The following VPS39 variants were observed in gnomAD, a reference collection of about 807,000 sequenced individuals.
VPS39 encodes the protein vam6/Vps39-like protein.
In VPS39, 70 loss-of-function variants were observed where a neutral mutation model predicts 121.0. That is an observed-to-expected ratio of 0.58 (90% CI 0.48 to 0.71). The LOEUF (loss-of-function observed/expected upper bound fraction) is 0.71, where lower values mean the gene tolerates loss of function less well. Among genes scored for constraint, VPS39 ranks in the 30% least tolerant of loss-of-function variants. VPS39 has a pLI of 0.00. For synonymous variants in VPS39, 378 were observed against 398.1 expected, an observed-to-expected ratio of 0.95 and a Z score of 0.60; for missense variants, 818 against 1,051.5, an observed-to-expected ratio of 0.78 and a Z score of 3.07.
intron 17 of VPS39, 173 bp from the exon 18 acceptor site, chr15:42,165,286 G>A (rs112516408): frequency 2.3e-4 from 146 of 626,572 alleles, no homozygotes; most frequent in East Asian, 1.8e-3. Context: ...TTCACAATGC[G>A]ACCCAGTAAC....
chr15:42,167,316 G>T (rs961159250), intron 13 of VPS39, 78 bp downstream of exon 13: 21 of 1,542,492 alleles, frequency 1.4e-5, no homozygotes, highest in Non-Finnish European at 1.8e-5. Flanking sequence ...GGTCCCTCAG[G>T]GTCTAGCACT....
At chr15:42,182,718 G>T (rs2056512271) in intron 8 of VPS39, among the ~76,000 whole-genome samples, 1 of 152,194 alleles carries the variant, frequency 6.6e-6, no homozygotes. Flanking sequence ...GACTAATCCT[G>T]CCTGTGGGTC....
At chr15:42,185,416 CTCGTGA>C (rs946305524) in intron 7 of VPS39, among the ~76,000 whole-genome samples, 11 of 152,136 alleles carry the variant, frequency 7.2e-5, no homozygotes, top group African/African-American at 2.4e-4. Context: ...ATCTCCTGAC[CTCGTGA>C]TCCACCCGCC....
intron 23 of VPS39, 28 bp downstream of exon 23, chr15:42,162,003 AC>A: frequency 1.2e-6 from 2 of 1,613,496 alleles, no homozygotes; most frequent in Non-Finnish European, 8.5e-7. Flanking sequence ...TTAAAAGCCC[AC>A]CCTAGAGTTT....
In VPS39 at chr15:42,160,636, G is replaced by C. The variant is rs549749218; in HGVS notation, c.*118C>G. On this transcript the variant is annotated 3_prime_UTR_variant, in exon 25 of 25. Coordinates refer to ENST00000318006, the MANE Select transcript of VPS39 (RefSeq NM_015289.5). Reference sequence around the variant, plus strand: ...GTTGTTCCAGGGCACAAGATAGCCAGTAATGTCCAAATGGGGAGCCTTGTG... The same window carrying C: ...GTTGTTCCAGGGCACAAGATAGCCACTAATGTCCAAATGGGGAGCCTTGTG... 2.3e-6 allele frequency: 2 copies of C among 879,406 alleles called. No homozygotes were observed. Among genetic ancestry groups the C allele is most frequent in the Non-Finnish European group, 1.9e-6 (1 of 521,292 alleles). The allele number at this position is 879,406 out of a possible 1,614,324, so 54.5% of individuals were successfully genotyped here.
intron 13 of VPS39, among the ~76,000 whole-genome samples, 185 bp downstream of exon 13, chr15:42,167,209 A>G (rs1035202732): frequency 6.6e-6 from 1 of 152,248 alleles, no homozygotes; most frequent in African/African-American, 2.4e-5. Flanking sequence ...TTGTGCATTG[A>G]TATCTTGCCC....
In VPS39 at chr15:42,161,741, C is replaced by T. The variant is rs1417938575; in HGVS notation, c.2493G>A (p.Val831=). Residue 831 remains valine (V), a synonymous_variant, in exon 24 of 25, where the codon GTG becomes GTA. Coordinates refer to ENST00000318006, the MANE Select transcript of VPS39 (RefSeq NM_015289.5). Reference sequence around the variant, plus strand: ...CCTTCTCCTCTGTGATGATGCACTTCACCTGCTGGTGTAAAATCCGCTCTT... The same window carrying T: ...CCTTCTCCTCTGTGATGATGCACTTTACCTGCTGGTGTAAAATCCGCTCTT... ...VQEERILHQQ[V]KCIITEEKVC... 1 of 1,614,178 alleles carries T rather than the reference C, an allele frequency of 6.2e-7. No homozygotes were observed. Among genetic ancestry groups the T allele is most frequent in the Non-Finnish European group, 8.5e-7 (1 of 1,180,036 alleles).
chr15:42,208,020 A>G, intron 1 of VPS39, 61 bp downstream of exon 1: 1 of 1,535,938 alleles, frequency 6.5e-7, no homozygotes, highest in Non-Finnish European at 8.8e-7. Flanking sequence ...CCCCGGCCTC[A>G]GAAAAGATCC....
chr15:42,167,033 G>T, intron 13 of VPS39, 120 bp from the exon 14 acceptor site: 1 of 1,424,268 alleles, frequency 7.0e-7, no homozygotes, highest in Non-Finnish European at 9.5e-7. Flanking sequence ...AAAGCAGACA[G>T]CCCTCTTTCA....
intron 18 of VPS39, 122 bp from the exon 19 acceptor site, chr15:42,164,608 G>T (rs2049205670): frequency 6.8e-7 from 1 of 1,463,204 alleles, no homozygotes; most frequent in African/African-American, 1.4e-5. Context: ...GGCCTCCAGG[G>T]TGGCTTCCAT....
chr15:42,179,445 C>T (rs907940713), intron 8 of VPS39, among the ~76,000 whole-genome samples: 2 of 150,648 alleles, frequency 1.3e-5, no homozygotes, highest in Non-Finnish European at 3.0e-5. Context: ...GGCGTGGTGG[C>T]AGGCGCCTGT....
At position 42,166,361 on chromosome 15, in the gene VPS39, T is replaced by C. The variant is rs944093319; in HGVS notation, c.1607-129A>G. 9 of 1,151,598 alleles carry C rather than the reference T, an allele frequency of 7.8e-6. No individual in the cohort carries two copies. In the Admixed American group the frequency reaches 1.6e-4, roughly 21 times the overall value. The allele number at this position is 1,151,598 out of a possible 1,614,324, so 71.3% of individuals were successfully genotyped here. On this transcript the variant is annotated intron_variant, in intron 15 of 24. Transcript: ENST00000318006. Reference sequence around the variant, plus strand: ...CAGCTCAAGCATGAGCCACTTGGGGTTGTTAGCCCTACTGGGCTGGCTCCA... The same window carrying C: ...CAGCTCAAGCATGAGCCACTTGGGGCTGTTAGCCCTACTGGGCTGGCTCCA...
Position 42,174,660 on chromosome 15 carries a change from G to C in VPS39, c.961-808C>G, listed in dbSNP as rs1388858059. The stretch of plus-strand genomic sequence containing the variant: ...CCGGGGTCCAGGATGGATTCCAAGA[G>C]GGACCTAAACTGAGACATAACGGAT... On this transcript the variant is annotated intron_variant, in intron 10 of 24. Coordinates refer to ENST00000318006, the MANE Select transcript of VPS39 (RefSeq NM_015289.5). Among the ~76,000 whole-genome samples the C allele has an allele frequency of 2.6e-5, 4 of 152,116 alleles. 1 individual carries two copies. The South Asian group carries it at 8.3e-4, about 32-fold the overall frequency.
chr15:42,197,857 A>C (rs2049976935), intron 2 of VPS39, among the ~76,000 whole-genome samples: 1 of 152,212 alleles, frequency 6.6e-6, no homozygotes, highest in African/African-American at 2.4e-5. Context: ...AATTAACCCT[A>C]GAACTAATTC....
At position 42,161,853 on chromosome 15, in the gene VPS39, C is replaced by G. The variant is rs2049133915; in HGVS notation, c.2461-80G>C. On this transcript the variant is annotated intron_variant, in intron 23 of 24. Transcript: ENST00000318006. ...GGAGGCAGAGGCCAGCAACTGTGTC[C>G]TCTTTCAGTCGTCACAGATTCTTCT... The G allele has an allele frequency of 2.0e-5, 31 of 1,589,200 alleles. No homozygotes were observed. The South Asian group carries it at 3.2e-4, about 16-fold the overall frequency.
At chr15:42,173,688 T>C (rs2049390618) in intron 11 of VPS39, 35 bp downstream of exon 11, 1 of 1,606,084 alleles carries the variant, frequency 6.2e-7, no homozygotes, top group Non-Finnish European at 8.5e-7. Context: ...CCCTCCTCCA[T>C]TAGTCCCTTA....
At chr15:42,169,394 A>G (rs1204820594) in intron 12 of VPS39, among the ~76,000 whole-genome samples, 1 of 152,220 alleles carries the variant, frequency 6.6e-6, no homozygotes, top group Non-Finnish European at 1.5e-5. Context: ...CATTTTCCCC[A>G]AAACCATGTA....
chr15:42,204,162 G>A (rs141013647), intron 1 of VPS39, among the ~76,000 whole-genome samples: 278 of 152,310 alleles, frequency 1.8e-3, no homozygotes, highest in Admixed American at 3.1e-3. Context: ...GGACCACAAA[G>A]ATAAGTAAGA....
chr15:42,164,663 C>G, intron 18 of VPS39, 177 bp from the exon 19 acceptor site: 1 of 1,437,156 alleles, frequency 7.0e-7, no homozygotes, highest in South Asian at 1.5e-5. Context: ...CCCAAAACAT[C>G]AGCTTACGGT....
Sources: allele counts gnomAD v4.1 joint callset (sites outside exome capture counted in the v4.1 genomes callset), GRCh38; gene constraint gnomAD v4.1.1; transcripts MANE v1.5; gene names NCBI Gene and HGNC (gene_info 2026-07-23, HGNC 2026-07-21).